KIF26B: variants seen among roughly 807,000 people sequenced by gnomAD.
The protein encoded by KIF26B is kinesin family member 26B, also known as kinesin-like protein KIF26B.
In KIF26B, 63 loss-of-function variants were observed where a neutral mutation model predicts 151.2. The ratio of observed to expected loss-of-function variants is 0.42; its 90% CI spans 0.34 to 0.51. The LOEUF (loss-of-function observed/expected upper bound fraction) is 0.51. Ranked by LOEUF, KIF26B falls within the 20% of genes least tolerant of loss-of-function variation. The pLI, the probability that KIF26B is intolerant of heterozygous loss-of-function variation, is 0.07. For missense variants in KIF26B, 2,813 were observed against 2,913.6 expected, an observed-to-expected ratio of 0.97 and a Z score of 0.79; for synonymous variants, 1,357 against 1,262.1, an observed-to-expected ratio of 1.08 and a Z score of -1.59.
chr1:245,517,914 G>T (rs114553163), intron 4 of KIF26B, among the ~76,000 whole-genome samples: 1 of 146,834 alleles, frequency 6.8e-6, no homozygotes, highest in African/African-American at 2.6e-5. Flanking sequence ...ACTCTATCGC[G>T]CAGGCCGGAG....
At chr1:245,262,560 T>C (rs540336604) in intron 2 of KIF26B, among the ~76,000 whole-genome samples, 2 of 152,234 alleles carry the variant, frequency 1.3e-5, no homozygotes, top group South Asian at 2.1e-4. Context: ...GTTCAAGCGA[T>C]TCTCCTGCCT....
chr1:245,458,399 G>T (rs150476366), intron 4 of KIF26B, among the ~76,000 whole-genome samples: 1 of 152,264 alleles, frequency 6.6e-6, no homozygotes, highest in East Asian at 1.9e-4. Flanking sequence ...GAACCAGATG[G>T]TTGCTCAATG....
At chr1:245,612,101 T>TGAGAGAGAGAGA (rs2043532969) in intron 9 of KIF26B, 125 bp downstream of exon 9, 6 of 500,732 alleles carry the variant, frequency 1.2e-5, no homozygotes, top group East Asian at 8.8e-5. Context: ...TGTGTGTGTG[T>TGAGAGAGAGAGA]GTGTGAGAGA....
At chr1:245,266,146 G>C (rs1670740751) in intron 2 of KIF26B, among the ~76,000 whole-genome samples, 1 of 152,154 alleles carries the variant, frequency 6.6e-6, no homozygotes, top group African/African-American at 2.4e-5. Context: ...CAAAGGACTT[G>C]AACAGGGATT....
At chr1:245,184,214 A>G (rs1315213057) in intron 2 of KIF26B, among the ~76,000 whole-genome samples, 1 of 151,758 alleles carries the variant, frequency 6.6e-6, no homozygotes, top group East Asian at 1.9e-4. Flanking sequence ...CACTGGATGG[A>G]ATGAACTTGT....
At chr1:245,665,830 A>G (rs935070085) in intron 10 of KIF26B, among the ~76,000 whole-genome samples, 1 of 151,864 alleles carries the variant, frequency 6.6e-6, no homozygotes, top group African/African-American at 2.4e-5. Context: ...GACTACAGGC[A>G]CGCACCACCA....
intron 4 of KIF26B, among the ~76,000 whole-genome samples, chr1:245,438,574 C>T (rs1658988354): frequency 1.3e-5 from 2 of 152,082 alleles, no homozygotes; most frequent in South Asian, 2.1e-4. Flanking sequence ...GGCGTTTGTT[C>T]ACGTCGAGAC....
At position 245,560,866 on chromosome 1, in the gene KIF26B, G is replaced by A. The variant is rs1371446317; in HGVS notation, c.1350+19916G>A. On this transcript the variant is annotated intron_variant, in intron 5 of 14. Coordinates refer to ENST00000407071, the MANE Select transcript of KIF26B (RefSeq NM_018012.4). This position sits in a 1 kb window ranked among gnomAD's most constrained non-coding sequence, Gnocchi z 4.3. ...CCGTGTGTGTGCTCTGGAGAGAAAA[G>A]ATTCTGGATTTGGGCGGTCTCACCT... 6.6e-6 allele frequency among the ~76,000 whole-genome samples: 1 copy of A among 152,214 alleles called. No individual in the cohort carries two copies. The highest frequency in any genetic ancestry group is 1.5e-5 in the Non-Finnish European group (1 of 68,050).
intron 2 of KIF26B, among the ~76,000 whole-genome samples, chr1:245,200,826 C>T (rs115857852): frequency 0.02 from 3,114 of 152,226 alleles, 107 homozygotes; most frequent in African/African-American, 0.071. Flanking sequence ...GTTTTTCAAA[C>T]GTTCTTAAAA....
Position 245,495,772 on chromosome 1 carries a change from G to A in KIF26B, c.1167-44995G>A, listed in dbSNP as rs1660501498. On this transcript the variant is annotated intron_variant, in intron 4 of 14. Coordinates refer to ENST00000407071, the MANE Select transcript of KIF26B (RefSeq NM_018012.4). The surrounding 1 kb of genome is among the most constrained non-coding windows in gnomAD (Gnocchi z 4.2). ...AGAGAAAACCACAGCTGGGTACAAT[G>A]TAGTAAAACTGTTGAAAACAAAAGC... Among the ~76,000 whole-genome samples, 1 of 152,122 alleles carries A rather than the reference G, an allele frequency of 6.6e-6. No homozygotes were observed. Among genetic ancestry groups the A allele is most frequent in the Admixed American group, 6.5e-5 (1 of 15,270 alleles).
chr1:245,189,798 A>T (rs1277666666), intron 2 of KIF26B, among the ~76,000 whole-genome samples: 2 of 152,228 alleles, frequency 1.3e-5, no homozygotes, highest in African/African-American at 4.8e-5. Context: ...GAGACTGGGT[A>T]ATTTATAAAG....
intron 2 of KIF26B, among the ~76,000 whole-genome samples, chr1:245,321,740 A>G (rs1671890094): frequency 1.3e-5 from 2 of 152,208 alleles, no homozygotes; most frequent in Admixed American, 1.3e-4. Flanking sequence ...TTGAGCCGCA[A>G]TTGGCCAGTG....
intron 4 of KIF26B, among the ~76,000 whole-genome samples, chr1:245,529,296 C>T (rs1273476896): frequency 1.3e-5 from 2 of 152,116 alleles, no homozygotes; most frequent in African/African-American, 4.8e-5. Context: ...TCATTCTTAA[C>T]ATGCTTAGAA....
intron 3 of KIF26B, among the ~76,000 whole-genome samples, chr1:245,369,122 C>G (rs1673034080): frequency 6.6e-6 from 1 of 151,806 alleles, no homozygotes; most frequent in Non-Finnish European, 1.5e-5. Context: ...GCACTGCACT[C>G]CAGCCTGGTG....
At chr1:245,246,076 A>C (rs1012511425) in intron 2 of KIF26B, among the ~76,000 whole-genome samples, 6 of 148,836 alleles carry the variant, frequency 4.0e-5, no homozygotes, top group Non-Finnish European at 5.9e-5. Context: ...TGGGCGACAG[A>C]GCGAGACTCC....
At position 245,595,866 on chromosome 1, in the gene KIF26B, C is replaced by T. The variant is rs572259867; in HGVS notation, c.1351-6711C>T. Among the ~76,000 whole-genome samples, 7 of 152,178 alleles carry T rather than the reference C, an allele frequency of 4.6e-5. No homozygotes were observed. In the East Asian group the frequency reaches 9.6e-4, roughly 21 times the overall value. On this transcript the variant is annotated intron_variant, in intron 5 of 14. Coordinates refer to ENST00000407071, the MANE Select transcript of KIF26B (RefSeq NM_018012.4). ...CTAGATATTGATCTATTCAGGGATT[C>T]GACTTCTTCTTGGTTTAGGCTTGGG...
chr1:245,178,300 G>T (rs538957877), intron 2 of KIF26B, among the ~76,000 whole-genome samples: 1 of 152,166 alleles, frequency 6.6e-6, no homozygotes, highest in Non-Finnish European at 1.5e-5. Flanking sequence ...AGCTGTCATC[G>T]TGGGTTTGGG....
At chr1:245,555,218 A>G (rs746802914) in intron 5 of KIF26B, among the ~76,000 whole-genome samples, 1 of 152,136 alleles carries the variant, frequency 6.6e-6, no homozygotes, top group South Asian at 2.1e-4. Flanking sequence ...GTATTCTGGA[A>G]TGGGGATGGG....
At chr1:245,685,150 C>G (rs1274805399) in intron 11 of KIF26B, among the ~76,000 whole-genome samples, 1 of 152,260 alleles carries the variant, frequency 6.6e-6, no homozygotes, top group African/African-American at 2.4e-5. Flanking sequence ...CAGGCAGGGC[C>G]TGGATGGTCA....
Sources: allele counts gnomAD v4.1 joint callset (sites outside exome capture counted in the v4.1 genomes callset), GRCh38; gene constraint gnomAD v4.1.1; non-coding constraint Gnocchi (gnomAD v3.1); transcripts MANE v1.5; gene names NCBI Gene and HGNC (gene_info 2026-07-23, HGNC 2026-07-21).